The following JMJD1C variants were observed in gnomAD, a reference collection of about 807,000 sequenced individuals.
JMJD1C encodes jumonji domain containing 1C, also known as jumonji domain-containing protein 1C.
Under a neutral mutation model 245.3 loss-of-function variants are expected in JMJD1C, and 31 were observed. That is an observed-to-expected ratio of 0.13 (90% CI 0.09 to 0.17). The LOEUF (loss-of-function observed/expected upper bound fraction) is 0.17. Among genes scored for constraint, JMJD1C ranks in the 10% least tolerant of loss-of-function variants. The pLI, the probability that JMJD1C is intolerant of heterozygous loss-of-function variation, is 1.00. For missense variants in JMJD1C, 2,691 were observed against 3,000.2 expected (o/e 0.90, Z 2.41); for synonymous variants, 1,057 against 1,017.4 (o/e 1.04, Z -0.74).
intron 2 of JMJD1C, among the ~76,000 whole-genome samples, chr10:63,289,917 A>C (rs1858438683): frequency 6.6e-6 from 1 of 152,090 alleles, no homozygotes; most frequent in African/African-American, 2.4e-5. Flanking sequence ...GTTACTTATA[A>C]AATTTAAATA....
chr10:63,353,629 C>A lies in JMJD1C; in HGVS notation c.333+26689G>T, dbSNP rs183911562. Among the ~76,000 whole-genome samples, 266 of 151,948 alleles carry A rather than the reference C, an allele frequency of 1.8e-3. 2 individuals are homozygous for A. The highest frequency in any genetic ancestry group is 6.0e-3 in the African/African-American group (247 of 41,410). The stretch of plus-strand genomic sequence containing the variant: ...CTCCCAAGTTCAAGTGATTCTCCTG[C>A]CTCAGCCTCCGGAGTAGCTGAGATT... On this transcript the variant is annotated intron_variant, in intron 2 of 25. Transcript: ENST00000399262.
At chr10:63,267,158 A>C (rs1855676898) in intron 2 of JMJD1C, among the ~76,000 whole-genome samples, 1 of 152,202 alleles carries the variant, frequency 6.6e-6, no homozygotes, top group African/African-American at 2.4e-5. Context: ...CTTCTTAAAT[A>C]GCAAATAAAA....
At chr10:63,354,523 T>C (rs753607107) in intron 2 of JMJD1C, among the ~76,000 whole-genome samples, 86 of 152,052 alleles carry the variant, frequency 5.7e-4, no homozygotes, top group Non-Finnish European at 8.5e-4. Flanking sequence ...TTTTATTTAT[T>C]ACAACTGAGA....
chr10:63,405,268 TG>T lies in JMJD1C; in HGVS notation c.169-24787del, dbSNP rs571056423. ...ATTTATCTGTTACACAGCTAATACA[TG>T]GGAGAGTCAGAATTCAAACCTGAGT... On this transcript the variant is annotated intron_variant, in intron 1 of 25. Transcript: ENST00000399262. Among the ~76,000 whole-genome samples, 485 of 151,878 alleles carry T rather than the reference TG, an allele frequency of 3.2e-3. 1 individual carries two copies. Among genetic ancestry groups the T allele is most frequent in the African/African-American group, 0.011 (470 of 41,386 alleles).
At chr10:63,283,584 T>A (rs1351863651) in intron 2 of JMJD1C, among the ~76,000 whole-genome samples, 1 of 152,100 alleles carries the variant, frequency 6.6e-6, no homozygotes, top group East Asian at 1.9e-4. Context: ...GTCAGGCTGG[T>A]CTTGACTCCT....
At position 63,194,367 on chromosome 10, in the gene JMJD1C, G is replaced by A. The variant is rs774363523; in HGVS notation, c.5653C>T (p.Leu1885=). ...KERKSSRDKE[L]YAWMKCVKGQ... ...TTCACACACTTCATCCAAGCATATA[G>A]TTCTTTATCTGTAAGATAATAAAAC... The change falls in exon 14 of 26, where the codon CTA becomes TTA. Residue 1885 remains leucine, a synonymous_variant. Transcript: ENST00000399262. 2 of 1,605,688 alleles carry A rather than the reference G, an allele frequency of 1.2e-6. No homozygotes were observed. Among genetic ancestry groups the A allele is most frequent in the African/African-American group, 1.3e-5 (1 of 74,716 alleles).
chr10:63,387,629 A>AAAATTT (rs1554915199), intron 1 of JMJD1C, among the ~76,000 whole-genome samples: 1 of 37,842 alleles, frequency 2.6e-5, no homozygotes, highest in Non-Finnish European at 4.3e-5. Flanking sequence ...GAAAAAAAAA[A>AAAATTT]TTTTTTTTTT....
intron 3 of JMJD1C, among the ~76,000 whole-genome samples, chr10:63,228,537 G>A (rs1849580258): frequency 6.6e-6 from 1 of 152,030 alleles, no homozygotes; most frequent in South Asian, 2.1e-4. Flanking sequence ...AATTAAAAAG[G>A]AAAAGATAAA....
chr10:63,326,308 A>T (rs528012290), intron 2 of JMJD1C, among the ~76,000 whole-genome samples: 3 of 151,876 alleles, frequency 2.0e-5, no homozygotes, highest in East Asian at 3.9e-4. Context: ...CAGCCCGACC[A>T]ACATGGTGAA....
intron 14 of JMJD1C, 55 bp from the exon 15 acceptor site, chr10:63,193,527 A>G (rs896399835): frequency 7.5e-7 from 1 of 1,331,280 alleles, no homozygotes; most frequent in Non-Finnish European, 1.0e-6. Flanking sequence ...TTAATGCTGT[A>G]AAATTTTTTT....
intron 2 of JMJD1C, among the ~76,000 whole-genome samples, chr10:63,353,019 A>C (rs1353472299): frequency 2.6e-5 from 4 of 152,234 alleles, no homozygotes; most frequent in African/African-American, 9.6e-5. Context: ...TGGGACATAC[A>C]GTCTACGAGG....
At chr10:63,505,335 G>C (rs1301013336) in intron 1 of JMJD1C, among the ~76,000 whole-genome samples, 2 of 138,288 alleles carry the variant, frequency 1.4e-5, no homozygotes, top group African/African-American at 5.5e-5. Flanking sequence ...AAAAAAAAAA[G>C]CTTCCTCGAG....
chr10:63,425,584 C>A (rs1950392736), intron 1 of JMJD1C, among the ~76,000 whole-genome samples: 1 of 152,030 alleles, frequency 6.6e-6, no homozygotes, highest in Admixed American at 6.5e-5. Context: ...GAGTTCAAGA[C>A]CAGGGTGGGT....
chr10:63,217,838 T>C (rs1848173152), intron 4 of JMJD1C: 1 of 152,130 alleles, frequency 6.6e-6, no homozygotes, highest in Non-Finnish European at 1.5e-5. Flanking sequence ...AGTGAATGTA[T>C]ACATATAGCA....
chr10:63,393,961 A>C (rs2134630954), intron 1 of JMJD1C, among the ~76,000 whole-genome samples: 1 of 152,300 alleles, frequency 6.6e-6, no homozygotes, highest in South Asian at 2.1e-4. Flanking sequence ...CAGGCAGATC[A>C]CCTGAGGTCG....
At chr10:63,239,027 G>T (rs1375527401) in intron 3 of JMJD1C, among the ~76,000 whole-genome samples, 3 of 152,248 alleles carry the variant, frequency 2.0e-5, no homozygotes, top group Admixed American at 6.5e-5. Flanking sequence ...GACCTAGTTA[G>T]GTGTGTCAGG....
chr10:63,443,868 G>A (rs1171242826), intron 1 of JMJD1C, among the ~76,000 whole-genome samples: 1 of 152,160 alleles, frequency 6.6e-6, no homozygotes, highest in East Asian at 1.9e-4. Context: ...CCTATCACTC[G>A]GGAGAGTCCA....
chr10:63,225,061 G>A (rs573556592), intron 3 of JMJD1C, among the ~76,000 whole-genome samples: 79 of 146,790 alleles, frequency 5.4e-4, no homozygotes, highest in South Asian at 1.3e-3. Context: ...ACTCTGTCTC[G>A]AAAAAAAAAG....
chr10:63,263,025 G>A (rs982616143), intron 3 of JMJD1C, among the ~76,000 whole-genome samples: 1 of 152,148 alleles, frequency 6.6e-6, no homozygotes, highest in African/African-American at 2.4e-5. Context: ...AGATTTGGAA[G>A]GTTCCTTTGA....
Sources: gnomAD v4.1 joint callset for allele counts (sites outside exome capture counted in the v4.1 genomes callset) on GRCh38, gnomAD v4.1.1 for gene constraint, MANE v1.5 for transcripts, NCBI Gene and HGNC (gene_info 2026-07-23, HGNC 2026-07-21) for gene names.